Variants in C14orf132 observed in about 807,000 individuals in gnomAD.
C14orf132 encodes chromosome 14 open reading frame 132, also known as uncharacterized protein C14orf132.
Under a neutral mutation model 5.8 loss-of-function variants are expected in C14orf132, and 6 were observed. The ratio of observed to expected loss-of-function variants is 1.03; its 90% CI spans 0.57 to 2.04. The LOEUF (loss-of-function observed/expected upper bound fraction) is 2.04. Ranked by LOEUF, C14orf132 falls within the 30% of genes most tolerant of loss-of-function variation. The probability of loss-of-function intolerance (pLI) is 0.00; values close to 1 mark genes in which losing one functional copy is unlikely to be tolerated. For synonymous variants in C14orf132, 51 were observed against 49.8 expected, an observed-to-expected ratio of 1.02 and a Z score of -0.10; for missense variants, 125 against 115.8, an observed-to-expected ratio of 1.08 and a Z score of -0.37.
chr14:96,063,676 C>A (rs1365791616), intron 1 of C14orf132, among the ~76,000 whole-genome samples: 3 of 152,034 alleles, frequency 2.0e-5, no homozygotes, highest in Admixed American at 1.3e-4. Flanking sequence ...GATTTGGTGA[C>A]CAAGAACCCA....
chr14:96,067,240 C>T (rs752014989), intron 1 of C14orf132, among the ~76,000 whole-genome samples: 50 of 152,232 alleles, frequency 3.3e-4, no homozygotes, highest in Non-Finnish European at 5.6e-4. Context: ...GCAAGGTGGC[C>T]GCGTGAGCAC....
At position 96,091,213 on chromosome 14, in the gene C14orf132, G is replaced by C; in HGVS notation, c.*4478G>C. 1 of 358,216 alleles carries C rather than the reference G, an allele frequency of 2.8e-6. No individual in the cohort carries two copies. The highest frequency in any genetic ancestry group is 5.5e-6 in the Non-Finnish European group (1 of 182,642). The allele number at this position is 358,216 out of a possible 1,614,324, so 22.2% of individuals were successfully genotyped here. On this transcript the variant is annotated 3_prime_UTR_variant, in exon 2 of 2. Coordinates refer to ENST00000555004, the MANE Select transcript of C14orf132 (RefSeq NM_001252507.3). ...TGATCCCCCTGGGATGGACCATCTC[G>C]GGATATGAGGCCTCGGAGGCTGGGG... is the stretch of plus-strand genomic sequence containing the variant.
intron 1 of C14orf132, among the ~76,000 whole-genome samples, chr14:96,069,919 C>G (rs1887654733): frequency 6.6e-6 from 1 of 152,220 alleles, no homozygotes; most frequent in Non-Finnish European, 1.5e-5. Context: ...AAGGAGAAGT[C>G]TTCAAACCTG....
At chr14:96,067,277 T>A (rs1887559627) in intron 1 of C14orf132, among the ~76,000 whole-genome samples, 1 of 151,982 alleles carries the variant, frequency 6.6e-6, no homozygotes, top group East Asian at 1.9e-4. Context: ...CACAGGGAGA[T>A]AGGAAAGCCA....
rs932051187 is a variant in C14orf132, at chr14:96,090,464, G to A, written c.*3729G>A. The A allele has an allele frequency of 2.8e-6, 1 of 357,872 alleles. No individual in the cohort carries two copies. Among genetic ancestry groups the A allele is most frequent in the Non-Finnish European group, 5.5e-6 (1 of 181,564 alleles). 22.2% of individuals were successfully genotyped at this position (357,872 alleles called of 1,614,324 possible). A position where few individuals can be genotyped will look rare whatever the true frequency, so the allele number is the denominator to read the frequency against. On this transcript the variant is annotated 3_prime_UTR_variant, in exon 2 of 2. Coordinates refer to ENST00000555004, the MANE Select transcript of C14orf132 (RefSeq NM_001252507.3). Reference sequence around the variant, plus strand: ...TGTGAGGTTGTGAGTGGCCACCACTGAAGGTCTTTGAGAAGAGGCCAGACG... The same window carrying A: ...TGTGAGGTTGTGAGTGGCCACCACTAAAGGTCTTTGAGAAGAGGCCAGACG...
At chr14:96,067,220 C>T (rs953825085) in intron 1 of C14orf132, among the ~76,000 whole-genome samples, 1 of 152,142 alleles carries the variant, frequency 6.6e-6, no homozygotes, top group African/African-American at 2.4e-5. Context: ...CAAAGGCAGT[C>T]GCGCCAGCAG....
intron 1 of C14orf132, among the ~76,000 whole-genome samples, chr14:96,081,548 G>C (rs1056513685): frequency 3.9e-5 from 6 of 152,308 alleles, no homozygotes; most frequent in Non-Finnish European, 8.8e-5. Flanking sequence ...CCCTGCCTTC[G>C]GAAAAGCGTA....
intron 1 of C14orf132, among the ~76,000 whole-genome samples, chr14:96,066,341 G>A (rs1009800383): frequency 2.0e-5 from 3 of 152,292 alleles, no homozygotes; most frequent in African/African-American, 7.2e-5. Context: ...GCTCTGATGA[G>A]ACAGCGTTTT....
At position 96,086,844 on chromosome 14, in the gene C14orf132, C is replaced by T. The variant is rs1406200063; in HGVS notation, c.*109C>T. 1.3e-5 allele frequency: 14 copies of T among 1,084,710 alleles called. No homozygotes were observed. Among genetic ancestry groups the T allele is most frequent in the East Asian group, 5.2e-5 (2 of 38,464 alleles). The allele number at this position is 1,084,710 out of a possible 1,614,324, so 67.2% of individuals were successfully genotyped here. On this transcript the variant is annotated 3_prime_UTR_variant, in exon 2 of 2. Coordinates refer to ENST00000555004, the MANE Select transcript of C14orf132 (RefSeq NM_001252507.3). The stretch of plus-strand genomic sequence containing the variant: ...TAGAACCAGGAGTTTTGACCAGGGG[C>T]GGCGGCCGTCCTTCTGGAATTTCTC...
At position 96,060,468 on chromosome 14, in the gene C14orf132, G is replaced by A. The variant is rs77662592; in HGVS notation, c.27+20941G>A. 7.0e-3 allele frequency among the ~76,000 whole-genome samples: 1,065 copies of A among 152,292 alleles called. 62 individuals are homozygous for A. In the East Asian group the frequency reaches 0.15, roughly 21 times the overall value. On this transcript the variant is annotated intron_variant, in intron 1 of 1. Coordinates refer to ENST00000555004, the MANE Select transcript of C14orf132 (RefSeq NM_001252507.3). ...TTATGATGTGTAGAGTTCCAGTGCC[G>A]TGCATGTTCATTGCTTGAGTGGCTA...
intron 1 of C14orf132, among the ~76,000 whole-genome samples, chr14:96,081,626 G>T (rs1193037400): frequency 1.3e-5 from 2 of 152,004 alleles, no homozygotes; most frequent in Non-Finnish European, 2.9e-5. Context: ...TTTGAGACAG[G>T]GTCTCGCTGG....
At chr14:96,073,883 T>C (rs1340526134) in intron 1 of C14orf132, among the ~76,000 whole-genome samples, 1 of 152,208 alleles carries the variant, frequency 6.6e-6, no homozygotes, top group Admixed American at 6.5e-5. Context: ...TCATGTCCTT[T>C]GCAGGGACAT....
At chr14:96,065,560 T>G (rs975404415) in intron 1 of C14orf132, among the ~76,000 whole-genome samples, 2 of 152,010 alleles carry the variant, frequency 1.3e-5, no homozygotes, top group Non-Finnish European at 2.9e-5. Flanking sequence ...TTAGCCTTCA[T>G]CACCCCCCAC....
chr14:96,044,120 C>T (rs1318176604), intron 1 of C14orf132, among the ~76,000 whole-genome samples: 12 of 152,242 alleles, frequency 7.9e-5, no homozygotes, highest in African/African-American at 2.4e-4. Context: ...GGATCAGCTT[C>T]ATCCTCTGAT....
At chr14:96,065,788 T>C (rs1407784571) in intron 1 of C14orf132, among the ~76,000 whole-genome samples, 3 of 152,132 alleles carry the variant, frequency 2.0e-5, no homozygotes, top group Admixed American at 2.0e-4. Flanking sequence ...GGCAAGGAAT[T>C]TAATCTGATT....
At chr14:96,060,747 G>A (rs1036588587) in intron 1 of C14orf132, among the ~76,000 whole-genome samples, 10 of 152,124 alleles carry the variant, frequency 6.6e-5, no homozygotes, top group Non-Finnish European at 1.0e-4. Flanking sequence ...CGTGCCCAGT[G>A]CCAGGGACTC....
intron 1 of C14orf132, among the ~76,000 whole-genome samples, chr14:96,070,326 C>G (rs1423886107): frequency 1.3e-5 from 2 of 152,154 alleles, no homozygotes; most frequent in Non-Finnish European, 2.9e-5. Flanking sequence ...AGGTAGCCAT[C>G]CTTCCCTTGG....
At position 96,093,886 on chromosome 14, in the gene C14orf132, T is replaced by G. The variant is rs1888498723; in HGVS notation, c.*7151T>G. ...ACTGAAAAGAGAAAAGAAGAAAACATGAACTCCTCTGTGTCTGGTTCTCAT... is the reference window on the plus strand; with the variant it reads ...ACTGAAAAGAGAAAAGAAGAAAACAGGAACTCCTCTGTGTCTGGTTCTCAT... On this transcript the variant is annotated 3_prime_UTR_variant, in exon 2 of 2. Coordinates refer to ENST00000555004, the MANE Select transcript of C14orf132 (RefSeq NM_001252507.3). 1 of 152,244 alleles carries G rather than the reference T, an allele frequency of 6.6e-6. No individual in the cohort carries two copies. Among genetic ancestry groups the G allele is most frequent in the Non-Finnish European group, 1.5e-5 (1 of 68,048 alleles). The allele number at this position is 152,244 out of a possible 1,614,324, so 9.4% of individuals were successfully genotyped here. A position where few individuals can be genotyped will look rare whatever the true frequency, so the allele number is the denominator to read the frequency against.
At chr14:96,080,269 C>G (rs377363982) in intron 1 of C14orf132, among the ~76,000 whole-genome samples, 13 of 152,268 alleles carry the variant, frequency 8.5e-5, no homozygotes, top group African/African-American at 2.6e-4. Context: ...CTCAGGTCTC[C>G]AGGCCCAGAG....
Sources: gnomAD v4.1 joint callset for allele counts (sites outside exome capture counted in the v4.1 genomes callset) on GRCh38, gnomAD v4.1.1 for gene constraint, MANE v1.5 for transcripts, NCBI Gene and HGNC (gene_info 2026-07-23, HGNC 2026-07-21) for gene names.